Variants in DCAKD observed in about 807,000 individuals in gnomAD.
The protein encoded by DCAKD is dephospho-CoA kinase domain-containing protein.
Under a neutral mutation model 18.7 loss-of-function variants are expected in DCAKD, and 15 were observed. The observed-to-expected ratio is 0.80, with a 90% CI of 0.54 to 1.24. DCAKD has a LOEUF of 1.24. DCAKD is among the 50% of genes most tolerant of loss of function. DCAKD has a pLI of 0.00. For synonymous variants in DCAKD, 130 were observed against 133.0 expected (o/e 0.98, Z 0.16); for missense variants, 301 against 322.0 (o/e 0.93, Z 0.50).
At position 45,034,960 on chromosome 17, in the gene DCAKD, G is replaced by A. The variant is rs866459633; in HGVS notation, c.-75C>T. 37 of 1,482,372 alleles carry A rather than the reference G, an allele frequency of 2.5e-5. No homozygotes were observed. The Middle Eastern group carries it at 8.6e-4, about 35-fold the overall frequency. 91.8% of individuals were successfully genotyped at this position (1,482,372 alleles called of 1,614,324 possible). A position where few individuals can be genotyped will look rare whatever the true frequency, so the allele number is the denominator to read the frequency against. On this transcript the variant is annotated 5_prime_UTR_variant, in exon 2 of 5. Coordinates refer to ENST00000651974, the MANE Select transcript of DCAKD (RefSeq NM_001288655.2). Reference sequence around the variant, plus strand: ...AATCACTGGAGAGCAGGGCAAGTGTGGCCGATGGGGGCGGTCCACCAGAGG... The same window carrying A: ...AATCACTGGAGAGCAGGGCAAGTGTAGCCGATGGGGGCGGTCCACCAGAGG...
intron 1 of DCAKD, among the ~76,000 whole-genome samples, chr17:45,056,811 A>G (rs2053785564): frequency 6.7e-6 from 1 of 150,310 alleles, no homozygotes; most frequent in East Asian, 2.0e-4. Flanking sequence ...TCTGTCACCC[A>G]GGCTGGAGTG....
At chr17:45,043,493 G>A (rs1010018272) in intron 1 of DCAKD, among the ~76,000 whole-genome samples, 3 of 152,150 alleles carry the variant, frequency 2.0e-5, no homozygotes, top group African/African-American at 7.2e-5. Context: ...TGAGGAGCAC[G>A]TGTCCCTGAG....
chr17:45,043,934 AGCCCCCG>A (rs2053501289), intron 1 of DCAKD, among the ~76,000 whole-genome samples: 1 of 151,990 alleles, frequency 6.6e-6, no homozygotes, highest in South Asian at 2.1e-4. Context: ...GCCCACAAGG[AGCCCCCG>A]GTGCATGAGC....
In DCAKD at chr17:45,023,565, G is replaced by T. The variant is rs1355784494; in HGVS notation, c.*868C>A. The T allele has an allele frequency of 1.3e-4, 18 of 138,838 alleles. No individual in the cohort carries two copies. Among genetic ancestry groups the T allele is most frequent in the African/African-American group, 4.7e-4 (18 of 38,212 alleles). 8.6% of individuals were successfully genotyped at this position (138,838 alleles called of 1,614,324 possible). A position where few individuals can be genotyped will look rare whatever the true frequency, so the allele number is the denominator to read the frequency against. On this transcript the variant is annotated 3_prime_UTR_variant, in exon 5 of 5. Coordinates refer to ENST00000651974, the MANE Select transcript of DCAKD (RefSeq NM_001288655.2). ...CCTAGACCACCTAACCCAGCCTGGG[G>T]CTTTAGACAGTGCCTGAACTGAGAG...
At chr17:45,029,732 C>T (rs2053136125) in intron 4 of DCAKD, among the ~76,000 whole-genome samples, 1 of 152,184 alleles carries the variant, frequency 6.6e-6, no homozygotes, top group Admixed American at 6.5e-5. Context: ...GTCCTGACCA[C>T]CTCCCACTGA....
chr17:45,034,240 T>C lies in DCAKD; in HGVS notation c.263A>G (p.His88Arg), dbSNP rs1567835133. Residue 88 changes from histidine to arginine, a missense_variant, in exon 3 of 5, where the codon CAC (histidine) becomes CGC (arginine). Physicochemically the swap from His to Arg is conservative, Grantham distance 29. Transcript: ENST00000651974. ...CATCATCTCCTTGCGAATCTCGGGG[T>C]GGGTGATGGCGTTGAGCAGCTGCCG... ...DRRQLLNAIT[H>R]PEIRKEMMKE... 1 of 1,611,808 alleles carries C rather than the reference T, an allele frequency of 6.2e-7. No homozygotes were observed. Among genetic ancestry groups the C allele is most frequent in the Non-Finnish European group, 8.5e-7 (1 of 1,179,242 alleles).
intron 1 of DCAKD, among the ~76,000 whole-genome samples, chr17:45,037,448 A>G (rs562087048): frequency 1.3e-5 from 2 of 152,052 alleles, no homozygotes; most frequent in African/African-American, 4.8e-5. Flanking sequence ...TTGAAATAGA[A>G]AATCTAGAAA....
intron 3 of DCAKD, chr17:45,031,675 T>C (rs2053173228): frequency 1.0e-6 from 1 of 985,272 alleles, no homozygotes; most frequent in Admixed American, 6.2e-5. Flanking sequence ...CCTCTCCCCT[T>C]GCTGTCCTTT....
intron 4 of DCAKD, among the ~76,000 whole-genome samples, chr17:45,028,873 T>C (rs1303251328): frequency 6.6e-6 from 1 of 150,950 alleles, no homozygotes; most frequent in Admixed American, 6.6e-5. Flanking sequence ...CCGGGCTAGT[T>C]TTTATATTTT....
chr17:45,039,686 T>TCC, intron 1 of DCAKD, among the ~76,000 whole-genome samples: 1 of 152,278 alleles, frequency 6.6e-6, no homozygotes, highest in East Asian at 1.9e-4. Flanking sequence ...TGAGCCTCAG[T>TCC]CCCCACACTT....
At position 45,025,091 on chromosome 17, in the gene DCAKD, G is replaced by A. The variant is rs77094053; in HGVS notation, c.405-367C>T. 2.5e-3 allele frequency among the ~76,000 whole-genome samples: 373 copies of A among 147,572 alleles called. 2 individuals carry two copies. The highest frequency in any genetic ancestry group is 9.0e-3 in the African/African-American group (361 of 40,054). The stretch of plus-strand genomic sequence containing the variant: ...ACATTCCCCAGTCATAAGGTGGGAA[G>A]ATTTCATCACCTGGAACCAGCTACA... On this transcript the variant is annotated intron_variant, in intron 4 of 4. Transcript: ENST00000651974.
chr17:45,058,564 C>T (rs943821672), intron 1 of DCAKD, among the ~76,000 whole-genome samples: 3 of 151,870 alleles, frequency 2.0e-5, no homozygotes, highest in African/African-American at 4.8e-5. Flanking sequence ...GGATTATAGG[C>T]GCCCACCACT....
rs1555594979 is a variant in DCAKD at position 45,024,340 on chromosome 17, G to GTGTGTGTGTGTGTGTGT, written c.*92_*93insACACACACACACACACA. 7.6e-6 allele frequency: 1 copy of GTGTGTGTGTGTGTGTGT among 131,812 alleles called. No homozygotes were observed. Among genetic ancestry groups the GTGTGTGTGTGTGTGTGT allele is most frequent in the African/African-American group, 1.6e-4 (1 of 6,102 alleles). The allele number at this position is 131,812 out of a possible 1,614,324, so 8.2% of individuals were successfully genotyped here. A position where few individuals can be genotyped will look rare whatever the true frequency, so the allele number is the denominator to read the frequency against. On this transcript the variant is annotated 3_prime_UTR_variant, in exon 5 of 5. Coordinates refer to ENST00000651974, the MANE Select transcript of DCAKD (RefSeq NM_001288655.2). ...GTGTGTGTGTGTGTGTGTGTGTGTG[G>GTGTGTGTGTGTGTGTGT]GGAGGGGGCTGAGAGGAAACAGGAT...
In DCAKD at chr17:45,034,831, G is replaced by A; in HGVS notation, c.55C>T (p.Gln19Ter). The A allele has an allele frequency of 6.2e-7, 1 of 1,614,198 alleles. No individual in the cohort carries two copies. Among genetic ancestry groups the A allele is most frequent in the African/African-American group, 1.3e-5 (1 of 75,048 alleles). ...GCACAGCCCAGCTGCTGGAACACCT[G>A]GATCACTGAGCTCTTGCCTGAGGCA... is the stretch of plus-strand genomic sequence containing the variant. ...GIASGKSSVI[Q>*]VFQQLGCAVI... The change falls in exon 2 of 5, where the codon CAG (glutamine) becomes TAG (stop). Residue 19 changes from glutamine to a stop codon, truncating the protein, a stop_gained. Transcript: ENST00000651974. LOFTEE classifies it high-confidence loss of function.
At chr17:45,035,030 G>A in intron 1 of DCAKD, 31 bp from the exon 2 acceptor site, 1 of 736,732 alleles carries the variant, frequency 1.4e-6, no homozygotes, top group Admixed American at 2.6e-5. Context: ...GGACTGATCA[G>A]TTTGGGCCAA....
intron 1 of DCAKD, among the ~76,000 whole-genome samples, chr17:45,050,984 CA>C (rs2053681864): frequency 6.6e-6 from 1 of 152,192 alleles, no homozygotes; most frequent in African/African-American, 2.4e-5. Flanking sequence ...ACTGGCCTCC[CA>C]GGGGAGAGGG....
intron 1 of DCAKD, among the ~76,000 whole-genome samples, chr17:45,060,291 G>A (rs2143430278): frequency 6.6e-6 from 1 of 152,014 alleles, no homozygotes; most frequent in Middle Eastern, 3.4e-3. Flanking sequence ...TGCGGGGTTG[G>A]GGTAGGAAGA....
Position 45,028,105 on chromosome 17 carries a change from C to CT in DCAKD, c.404+1986dup, listed in dbSNP as rs1298867554. Among the ~76,000 whole-genome samples the CT allele has an allele frequency of 2.0e-5, 3 of 150,640 alleles. No homozygotes were observed. The East Asian group carries it at 5.9e-4, about 30-fold the overall frequency. ...CCCCTGCTGTCTTCTCATCTACACT[C>CT]TAAGATCCTTTTTTTTTTTTTGAGA... On this transcript the variant is annotated intron_variant, in intron 4 of 4. Coordinates refer to ENST00000651974, the MANE Select transcript of DCAKD (RefSeq NM_001288655.2).
At chr17:45,055,319 A>T (rs1006100314), upstream of DCAKD, among the ~76,000 whole-genome samples, 2 of 152,060 alleles carry the variant, frequency 1.3e-5, no homozygotes, top group Middle Eastern at 3.2e-3. Flanking sequence ...AGTCCATTAG[A>T]GATGACTCCT....
Sources: allele counts gnomAD v4.1 joint callset (sites outside exome capture counted in the v4.1 genomes callset), GRCh38; gene constraint gnomAD v4.1.1; transcripts MANE v1.5; gene names NCBI Gene and HGNC (gene_info 2026-07-23, HGNC 2026-07-21).